The following CNTN5 variants were observed in gnomAD, a reference collection of about 807,000 sequenced individuals.
CNTN5 encodes the protein contactin 5.
CNTN5 carries 77 observed loss-of-function variants against 129.1 expected under a neutral mutation model. The ratio of observed to expected loss-of-function variants is 0.60; its 90% confidence interval spans 0.50 to 0.72. The LOEUF (loss-of-function observed/expected upper bound fraction) is 0.72. Among genes scored for constraint, CNTN5 ranks in the 30% least tolerant of loss-of-function variants. CNTN5 has a pLI of 0.00. For missense variants in CNTN5, 1,478 were observed against 1,328.8 expected (o/e 1.11, Z -1.75); for synonymous variants, 509 against 465.6 (o/e 1.09, Z -1.20).
chr11:99,059,110 C>T (rs11218254), intron 1 of CNTN5, among the ~76,000 whole-genome samples: 22,129 of 135,000 alleles, frequency 0.16, 3,177 homozygotes, highest in East Asian at 0.5. Context: ...TTCATCTTGT[C>T]TTTTTCTTTT....
intron 1 of CNTN5, among the ~76,000 whole-genome samples, chr11:99,044,790 A>T (rs1028163488): frequency 2.6e-5 from 4 of 152,124 alleles, no homozygotes; most frequent in African/African-American, 9.7e-5. Context: ...TCCTGATAGG[A>T]TGATAATAAT....
At chr11:99,418,693 C>CTCTA (rs1942765734) in intron 2 of CNTN5, among the ~76,000 whole-genome samples, 1 of 152,102 alleles carries the variant, frequency 6.6e-6, no homozygotes, top group African/African-American at 2.4e-5. Flanking sequence ...CTTCCCATGG[C>CTCTA]TCTAATGTAA....
chr11:99,907,587 A>T (rs1410785347), intron 6 of CNTN5, among the ~76,000 whole-genome samples: 1 of 151,676 alleles, frequency 6.6e-6, no homozygotes, highest in Non-Finnish European at 1.5e-5. Flanking sequence ...TTTTTACTTT[A>T]TTTAAAAATA....
chr11:99,597,284 G>C (rs1950155793), intron 3 of CNTN5, among the ~76,000 whole-genome samples: 1 of 152,156 alleles, frequency 6.6e-6, no homozygotes, highest in African/African-American at 2.4e-5. Flanking sequence ...CCTGTAGCAA[G>C]TCGTCTACAA....
At chr11:99,938,638 G>A in intron 7 of CNTN5, among the ~76,000 whole-genome samples, 1 of 152,016 alleles carries the variant, frequency 6.6e-6, no homozygotes, top group Admixed American at 6.6e-5. Flanking sequence ...GAATTGTTCT[G>A]TCTCAAAAAT....
chr11:99,805,736 T>G (rs1028587183), intron 3 of CNTN5, among the ~76,000 whole-genome samples: 6 of 152,298 alleles, frequency 3.9e-5, no homozygotes, highest in Non-Finnish European at 7.4e-5. Context: ...CAAATGAAGG[T>G]CACATTTGCA....
chr11:99,675,600 G>A (rs193033137), intron 3 of CNTN5, among the ~76,000 whole-genome samples: 37 of 152,228 alleles, frequency 2.4e-4, no homozygotes, highest in African/African-American at 8.7e-4. Context: ...TAGGAGAGTT[G>A]CTTTAACCTG....
At chr11:100,209,825 G>T (rs548592745) in intron 15 of CNTN5, among the ~76,000 whole-genome samples, 3 of 152,094 alleles carry the variant, frequency 2.0e-5, no homozygotes, top group Non-Finnish European at 4.4e-5. Context: ...TACACAAAAT[G>T]AATTCATAGG....
chr11:99,031,991 C>T (rs1439661726), intron 1 of CNTN5, among the ~76,000 whole-genome samples: 1 of 146,114 alleles, frequency 6.8e-6, no homozygotes, highest in Non-Finnish European at 1.5e-5. Context: ...TGTTCAATTC[C>T]CACCTATGAG....
intron 1 of CNTN5, among the ~76,000 whole-genome samples, chr11:99,211,455 T>A (rs1859780671): frequency 6.6e-6 from 1 of 152,164 alleles, no homozygotes; most frequent in Non-Finnish European, 1.5e-5. Context: ...GTGAGTCATA[T>A]GTGACATATT....
At chr11:100,264,480 C>G (rs1950260451) in intron 17 of CNTN5, among the ~76,000 whole-genome samples, 1 of 152,064 alleles carries the variant, frequency 6.6e-6, no homozygotes, top group African/African-American at 2.4e-5. Context: ...GAACATGTGG[C>G]ATTTGGTTTT....
intron 1 of CNTN5, among the ~76,000 whole-genome samples, chr11:99,263,737 C>T (rs2135831763): frequency 6.6e-6 from 1 of 152,152 alleles, no homozygotes; most frequent in East Asian, 1.9e-4. Flanking sequence ...CCACTTCAGC[C>T]CCACAAGTAG....
chr11:99,812,642 G>A (rs1419967234), intron 3 of CNTN5, among the ~76,000 whole-genome samples: 1 of 152,118 alleles, frequency 6.6e-6, no homozygotes, highest in African/African-American at 2.4e-5. Flanking sequence ...AAGGCACAGA[G>A]ATATTACGAT....
At chr11:99,428,618 A>C (rs1417031588) in intron 2 of CNTN5, among the ~76,000 whole-genome samples, 2 of 151,714 alleles carry the variant, frequency 1.3e-5, no homozygotes, top group South Asian at 2.1e-4. Context: ...ATATATCTTT[A>C]ATTGAAAATA....
intron 2 of CNTN5, among the ~76,000 whole-genome samples, chr11:99,462,880 T>C (rs1248404010): frequency 6.6e-6 from 1 of 151,790 alleles, no homozygotes; most frequent in Non-Finnish European, 1.5e-5. Context: ...AGGTTAGGAG[T>C]TCGAGACCAG....
At chr11:99,370,414 A>G (rs1037347714) in intron 2 of CNTN5, among the ~76,000 whole-genome samples, 3 of 152,220 alleles carry the variant, frequency 2.0e-5, no homozygotes, top group Non-Finnish European at 2.9e-5. Flanking sequence ...AATTATTCAC[A>G]TACTGTAATT....
rs1555023986 is a variant in CNTN5, at chr11:99,037,578, T to TTTC, written c.-210+16310_-210+16311insCTT. On this transcript the variant is annotated intron_variant, in intron 1 of 24. Transcript: ENST00000524871. Reference sequence around the variant, plus strand: ...TATTTTTCCTTCTTTTTTCTTTTCTTTTTTTTTTTTTTTTTTTTTTAACAT... The same window carrying TTTC: ...TATTTTTCCTTCTTTTTTCTTTTCTTTTCTTTTTTTTTTTTTTTTTTTTAACAT... Among the ~76,000 whole-genome samples the TTTC allele has an allele frequency of 5.9e-4, 74 of 125,240 alleles. No individual in the cohort carries two copies. The East Asian group carries it at 6.9e-3, about 12-fold the overall frequency. 82.2% of individuals were successfully genotyped at this position (125,240 alleles called of 152,430 possible). A position where few individuals can be genotyped will look rare whatever the true frequency, so the allele number is the denominator to read the frequency against.
chr11:100,191,158 T>C lies in CNTN5; in HGVS notation c.1613T>C (p.Ile538Thr). The change falls in exon 14 of 25, where the codon ATC becomes ACC. Residue 538 changes from isoleucine (I) to threonine (T), a missense_variant. Ile to Thr is a moderately conservative substitution (Grantham distance 89, BLOSUM62 -1). Coordinates refer to ENST00000524871, the MANE Select transcript of CNTN5 (RefSeq NM_014361.4). ...IAILPDGSLRILNASKSDEGK... is the reference protein window; with the variant it reads ...IAILPDGSLRTLNASKSDEGK... ...ATTCTTCCAGACGGGAGTCTACGGATCCTAAATGCTTCCAAATCAGACGAG... is the reference window on the plus strand; with the variant it reads ...ATTCTTCCAGACGGGAGTCTACGGACCCTAAATGCTTCCAAATCAGACGAG... 6.2e-7 allele frequency: 1 copy of C among 1,610,512 alleles called. No individual in the cohort carries two copies. Among genetic ancestry groups the C allele is most frequent in the South Asian group, 1.1e-5 (1 of 90,858 alleles).
chr11:100,085,833 C>CA (rs1359804467), intron 13 of CNTN5, among the ~76,000 whole-genome samples: 1 of 151,828 alleles, frequency 6.6e-6, no homozygotes, highest in African/African-American at 2.4e-5. Flanking sequence ...CTGTACCATA[C>CA]AAAAAACTTT....
Sources: gnomAD v4.1 joint callset for allele counts (sites outside exome capture counted in the v4.1 genomes callset) on GRCh38, gnomAD v4.1.1 for gene constraint, MANE v1.5 for transcripts, NCBI Gene and HGNC (gene_info 2026-07-23, HGNC 2026-07-21) for gene names.